Variants in DUSP16 observed in about 807,000 individuals in gnomAD.
DUSP16 encodes dual specificity protein phosphatase 16.
DUSP16 carries 21 observed loss-of-function variants against 58.3 expected under a neutral mutation model. The ratio of observed to expected loss-of-function variants is 0.36; its 90% CI spans 0.26 to 0.52. The LOEUF (loss-of-function observed/expected upper bound fraction) is 0.52, where lower values mean the gene tolerates loss of function less well. Ranked by LOEUF, DUSP16 falls within the 20% of genes least tolerant of loss-of-function variation. The probability of loss-of-function intolerance (pLI) is 0.94; values close to 1 mark genes in which losing one functional copy is unlikely to be tolerated. For synonymous variants in DUSP16, 320 were observed against 323.8 expected (o/e 0.99, Z 0.12); for missense variants, 726 against 819.0 (o/e 0.89, Z 1.39).
intron 1 of DUSP16, among the ~76,000 whole-genome samples, chr12:12,539,474 G>C (rs1464107320): frequency 6.6e-6 from 1 of 151,050 alleles, no homozygotes; most frequent in Non-Finnish European, 1.5e-5. Flanking sequence ...GTGTAGATGT[G>C]TCAAGGAAAG....
At chr12:12,524,810 A>G (rs1182606934) in intron 1 of DUSP16, among the ~76,000 whole-genome samples, 2 of 113,586 alleles carry the variant, frequency 1.8e-5, no homozygotes, top group Non-Finnish European at 4.1e-5. Flanking sequence ...ATATGGTTCA[A>G]AAAAAGTCTA....
intron 5 of DUSP16, among the ~76,000 whole-genome samples, chr12:12,484,812 T>G (rs1943648274): frequency 6.6e-6 from 1 of 151,762 alleles, no homozygotes; most frequent in Non-Finnish European, 1.5e-5. Flanking sequence ...AGTAGAGACG[T>G]GTTGGCCAGG....
intron 3 of DUSP16, among the ~76,000 whole-genome samples, chr12:12,516,175 T>C (rs1224284474): frequency 1.3e-5 from 2 of 152,062 alleles, no homozygotes; most frequent in African/African-American, 4.8e-5. Flanking sequence ...ACAGGCTCTC[T>C]GTCACCCAGA....
At chr12:12,497,291 T>C (rs16908171) in intron 4 of DUSP16, among the ~76,000 whole-genome samples, 9,701 of 152,270 alleles carry the variant, frequency 0.064, 439 homozygotes, top group East Asian at 0.18. Flanking sequence ...GGTACTGGTA[T>C]AGATGATGTT....
chr12:12,509,602 T>C (rs1254104208), intron 3 of DUSP16, among the ~76,000 whole-genome samples: 1 of 152,176 alleles, frequency 6.6e-6, no homozygotes, highest in East Asian at 1.9e-4. Context: ...AACTGTGAAA[T>C]AACTGTGTAT....
intron 3 of DUSP16, among the ~76,000 whole-genome samples, chr12:12,515,413 T>C (rs933672219): frequency 4.6e-5 from 7 of 151,604 alleles, no homozygotes; most frequent in Non-Finnish European, 7.4e-5. Flanking sequence ...CCGCAACCTC[T>C]ACCTCCTGGA....
In DUSP16 at chr12:12,520,983, G is replaced by T; in HGVS notation, c.116C>A (p.Thr39Lys). Residue 39 changes from threonine (T) to lysine (K), a missense_variant, in exon 2 of 7, where the codon ACA becomes AAA. Physicochemically the swap from Thr to Lys is moderately conservative, Grantham distance 78. Coordinates refer to ENST00000298573, the MANE Select transcript of DUSP16 (RefSeq NM_030640.3). ...IDSRPFVEYNTSHILEAININ... is the reference protein window; with the variant it reads ...IDSRPFVEYNKSHILEAININ... ...ATTAATGGCTTCCAAAATGTGGGAT[G>T]TATTGTATTCCACAAATGGCCGGCT... The T allele has an allele frequency of 6.2e-7, 1 of 1,614,198 alleles. No individual in the cohort carries two copies. Among genetic ancestry groups the T allele is most frequent in the South Asian group, 1.1e-5 (1 of 91,086 alleles).
intron 1 of DUSP16, among the ~76,000 whole-genome samples, chr12:12,528,507 G>A (rs140724465): frequency 4.8e-4 from 73 of 152,324 alleles, no homozygotes; most frequent in African/African-American, 1.7e-3. Context: ...AAGCCAAACA[G>A]AGGTCAGATG....
intron 1 of DUSP16, among the ~76,000 whole-genome samples, chr12:12,549,995 T>C (rs570173120): frequency 6.6e-5 from 10 of 152,250 alleles, no homozygotes; most frequent in African/African-American, 2.4e-4. Context: ...TTTATTGATT[T>C]AGATGCGTGT....
At chr12:12,550,747 G>C (rs1194242835) in intron 1 of DUSP16, among the ~76,000 whole-genome samples, 1 of 152,116 alleles carries the variant, frequency 6.6e-6, no homozygotes, top group East Asian at 1.9e-4. Context: ...GTTGGGGATT[G>C]GGAGGATAGA....
chr12:12,499,543 T>G (rs369512475), intron 4 of DUSP16, among the ~76,000 whole-genome samples: 83 of 152,238 alleles, frequency 5.5e-4, no homozygotes, highest in African/African-American at 1.9e-3. Context: ...TGATCGGGTA[T>G]TTTTCTTCCT....
At chr12:12,539,694 A>G (rs949701288) in intron 1 of DUSP16, among the ~76,000 whole-genome samples, 6 of 151,582 alleles carry the variant, frequency 4.0e-5, no homozygotes, top group Non-Finnish European at 7.4e-5. Context: ...CAGCCAATCT[A>G]TATTACATTA....
At chr12:12,487,764 A>C (rs1227773066) in intron 4 of DUSP16, among the ~76,000 whole-genome samples, 1 of 152,124 alleles carries the variant, frequency 6.6e-6, no homozygotes, top group Non-Finnish European at 1.5e-5. Flanking sequence ...GTCAGAAACT[A>C]AACATATTCT....
chr12:12,493,899 C>T (rs1382274216), intron 4 of DUSP16, among the ~76,000 whole-genome samples: 4 of 152,172 alleles, frequency 2.6e-5, no homozygotes, highest in African/African-American at 4.8e-5. Context: ...ATTTATTATG[C>T]TTCCTATCAA....
chr12:12,513,353 T>A (rs1193860651), intron 3 of DUSP16, among the ~76,000 whole-genome samples: 2 of 152,338 alleles, frequency 1.3e-5, no homozygotes, highest in East Asian at 3.9e-4. Context: ...CTATAAAGTA[T>A]GAAGAATATG....
rs556621773 is a variant in DUSP16 at position 12,496,280 on chromosome 12, TC to T, written c.531+4238del. On this transcript the variant is annotated intron_variant, in intron 4 of 6. Transcript: ENST00000298573. ...TGATAATTTTGACACGCTTTTGTGT[TC>T]CTAGATCATATATTTCCACTGGAAA... Among the ~76,000 whole-genome samples, 8 of 152,364 alleles carry T rather than the reference TC, an allele frequency of 5.3e-5. No homozygotes were observed. The South Asian group carries it at 1.7e-3, about 32-fold the overall frequency.
chr12:12,477,815 G>C lies in DUSP16; in HGVS notation c.1016C>G (p.Pro339Arg). ...GGQKSETPLS[P>R]PCADSATSEA... The stretch of plus-strand genomic sequence containing the variant: ...TGAGGTAGCAGAGTCGGCACAGGGT[G>C]GACTGAGGGGCGTCTCGCTTTTCTG... Residue 339 changes from proline (P) to arginine (R), a missense_variant, in exon 7 of 7, where the codon CCA (proline) becomes CGA (arginine). Physicochemically the swap from Pro to Arg is moderately radical, Grantham distance 103 (BLOSUM62 -2). Coordinates refer to ENST00000298573, the MANE Select transcript of DUSP16 (RefSeq NM_030640.3). This position sits in a 1 kb window ranked among gnomAD's most constrained non-coding sequence, Gnocchi z 4.1. 1 of 1,614,052 alleles carries C rather than the reference G, an allele frequency of 6.2e-7. No homozygotes were observed. The highest frequency in any genetic ancestry group is 2.2e-5 in the East Asian group (1 of 44,874).
intron 5 of DUSP16, among the ~76,000 whole-genome samples, chr12:12,484,806 G>C (rs10845557): frequency 0.27 from 41,073 of 151,736 alleles, 6,187 homozygotes; most frequent in Non-Finnish European, 0.33. Context: ...ATTTTTAGTA[G>C]AGACGTGTTG....
chr12:12,554,984 G>A (rs188056904), intron 1 of DUSP16, among the ~76,000 whole-genome samples: 5 of 152,258 alleles, frequency 3.3e-5, no homozygotes, highest in Admixed American at 2.0e-4. Context: ...CTATCTTCTC[G>A]AGGAATTTTC....
Sources: gnomAD v4.1 joint callset for allele counts (sites outside exome capture counted in the v4.1 genomes callset) on GRCh38, gnomAD v4.1.1 for gene constraint, Gnocchi (gnomAD v3.1) non-coding constraint, MANE v1.5 for transcripts, NCBI Gene and HGNC (gene_info 2026-07-23, HGNC 2026-07-21) for gene names.